The following ZNF75D variants were observed in gnomAD, a reference collection of about 807,000 sequenced individuals.
ZNF75D encodes the protein zinc finger protein 75D, also known as zinc finger protein 75.
Under a neutral mutation model 33.3 loss-of-function variants are expected in ZNF75D, and 33 were observed. That is an observed-to-expected ratio of 0.99 (90% CI 0.75 to 1.32). ZNF75D has a LOEUF of 1.32. Ranked by LOEUF, ZNF75D falls within the 40% of genes most tolerant of loss-of-function variation. The pLI, the probability that ZNF75D is intolerant of heterozygous loss-of-function variation, is 0.00. For missense variants in ZNF75D, 338 were observed against 367.5 expected (o/e 0.92, Z 0.66); for synonymous variants, 113 against 130.6 (o/e 0.87, Z 0.92).
At chrX:135,304,870 G>A (rs868968857) in intron 1 of ZNF75D, among the ~76,000 whole-genome samples, 1 of 112,417 alleles carries the variant, frequency 8.9e-6, no homozygotes, top group African/African-American at 3.2e-5. Flanking sequence ...CTGGCCCTGC[G>A]GAGCTATGTC....
intron 1 of ZNF75D, chrX:135,297,506 A>G: frequency 8.9e-6 from 1 of 112,215 alleles, no homozygotes; most frequent in Middle Eastern, 4.5e-3. Context: ...TTACATTTCA[A>G]TGAATCACTA....
chrX:135,303,900 C>A (rs782379723), intron 1 of ZNF75D, among the ~76,000 whole-genome samples: 6 of 112,712 alleles, frequency 5.3e-5, no homozygotes, highest in Non-Finnish European at 1.1e-4. Flanking sequence ...TAATTCAACT[C>A]TTTTAAAGTT....
At chrX:135,264,408 C>T (rs782456836) in intron 1 of ZNF75D, among the ~76,000 whole-genome samples, 2 of 111,325 alleles carry the variant, frequency 1.8e-5, no homozygotes, top group African/African-American at 6.5e-5. Context: ...AATGCCTTCC[C>T]CAGAAGGACA....
intron 5 of ZNF75D, 29 bp downstream of exon 5, chrX:135,291,443 C>T (rs1556421209): frequency 8.3e-7 from 1 of 1,208,565 alleles, no homozygotes; most frequent in Admixed American, 2.2e-5. Flanking sequence ...AGTCAAGTCA[C>T]CTGAAAAAAG....
chrX:135,257,946 C>T (rs781898754), intron 1 of ZNF75D, among the ~76,000 whole-genome samples: 52 of 107,996 alleles, frequency 4.8e-4, no homozygotes, highest in African/African-American at 1.1e-3. Context: ...TTTCTCCTAA[C>T]GCTATTCCTC....
intron 1 of ZNF75D, among the ~76,000 whole-genome samples, chrX:135,320,100 C>T (rs1294369043): frequency 9.0e-6 from 1 of 111,459 alleles, no homozygotes; most frequent in Non-Finnish European, 1.9e-5. Flanking sequence ...TGAGACCAGC[C>T]TGGCTAACAT....
rs371653549 is a variant in ZNF75D, at chrX:135,291,577, A to G, written c.605-14T>C. The G allele has an allele frequency of 4.6e-4, 555 of 1,202,920 alleles. No individual in the cohort carries two copies. Among genetic ancestry groups the G allele is most frequent in the Non-Finnish European group, 6.0e-4 (534 of 891,425 alleles). On this transcript the variant is annotated splice_polypyrimidine_tract_variant and intron_variant, in intron 4 of 6. Coordinates refer to ENST00000370766, the MANE Select transcript of ZNF75D (RefSeq NM_007131.5). ...GATCATGCACAGCTGTGGGTAGAAA[A>G]TAGCCAGGGAAAATTTCTGTTTCCT... is the stretch of plus-strand genomic sequence containing the variant.
At chrX:135,327,515 C>A (rs1556438505) in intron 1 of ZNF75D, among the ~76,000 whole-genome samples, 1 of 112,156 alleles carries the variant, frequency 8.9e-6, no homozygotes, top group Non-Finnish European at 1.9e-5. Flanking sequence ...ACACTAGCCA[C>A]TACCACCAGG....
chrX:135,338,080 G>A (rs1452590519), intron 1 of ZNF75D, among the ~76,000 whole-genome samples: 1 of 111,396 alleles, frequency 9.0e-6, no homozygotes, highest in Admixed American at 9.5e-5. Flanking sequence ...GCAGGATGGG[G>A]AGGGATCAGA....
chrX:135,294,167 T>A lies in ZNF75D; in HGVS notation c.-27A>T, dbSNP rs782194009. On this transcript the variant is annotated 5_prime_UTR_variant, in exon 3 of 7. Coordinates refer to ENST00000370766, the MANE Select transcript of ZNF75D (RefSeq NM_007131.5). ...TGCTCTAGGAACAGTTTTACTCTTG[T>A]ATGTGACACTGACACCCACCTGGTA... The A allele has an allele frequency of 8.8e-7, 1 of 1,142,004 alleles. No homozygotes were observed. Among genetic ancestry groups the A allele is most frequent in the Non-Finnish European group, 1.2e-6 (1 of 854,392 alleles). 94.1% of individuals were successfully genotyped at this position (1,142,004 alleles called of 1,213,427 possible). A position where few individuals can be genotyped will look rare whatever the true frequency, so the allele number is the denominator to read the frequency against.
chrX:135,311,561 A>C lies in ZNF75D; in HGVS notation c.-390-15522T>G, dbSNP rs782365025. On this transcript the variant is annotated intron_variant, in intron 1 of 6. Coordinates refer to ENST00000370766, the MANE Select transcript of ZNF75D (RefSeq NM_007131.5). The stretch of plus-strand genomic sequence containing the variant: ...TTTTTTGTGTATGGTGAGAACACTT[A>C]AAATCTACTCTTTTATCAGTTTTCA... Among the ~76,000 whole-genome samples the C allele has an allele frequency of 6.2e-5, 7 of 112,503 alleles. No individual in the cohort carries two copies. The South Asian group carries it at 2.2e-3, about 35-fold the overall frequency.
intron 1 of ZNF75D, among the ~76,000 whole-genome samples, chrX:135,303,484 C>T (rs1309189794): frequency 8.9e-6 from 1 of 112,337 alleles, no homozygotes; most frequent in African/African-American, 3.2e-5. Flanking sequence ...TGCCTTCAAG[C>T]ATTTGTTTAA....
intron 1 of ZNF75D, among the ~76,000 whole-genome samples, chrX:135,340,178 G>A (rs1430670551): frequency 2.7e-5 from 3 of 111,751 alleles, no homozygotes; most frequent in Non-Finnish European, 5.6e-5. Flanking sequence ...TTTTCTATGA[G>A]GATTTTCCTA....
intron 6 of ZNF75D, among the ~76,000 whole-genome samples, chrX:135,288,739 A>G (rs782532269): frequency 3.6e-5 from 4 of 112,010 alleles, no homozygotes; most frequent in Non-Finnish European, 5.6e-5. Context: ...GACATTTCTA[A>G]TATTTACTGA....
At chrX:135,294,921 T>A (rs782760457) in intron 2 of ZNF75D, among the ~76,000 whole-genome samples, 1 of 112,051 alleles carries the variant, frequency 8.9e-6, no homozygotes, top group Non-Finnish European at 1.9e-5. Context: ...GAAAGACTTA[T>A]AAAGGGCACT....
intron 1 of ZNF75D, among the ~76,000 whole-genome samples, chrX:135,258,338 A>C (rs1022455090): frequency 1.8e-5 from 2 of 110,330 alleles, no homozygotes; most frequent in Admixed American, 1.9e-4. Context: ...GTCAAATGGT[A>C]ATTCTAGTTC....
rs181417680 is a variant in ZNF75D, at chrX:135,326,459, C to T, written c.-391+15309G>A. On this transcript the variant is annotated intron_variant, in intron 1 of 6. Coordinates refer to ENST00000370766, the MANE Select transcript of ZNF75D (RefSeq NM_007131.5). The stretch of plus-strand genomic sequence containing the variant: ...TTGTGTCTAGCTCAGGGATTGTAAA[C>T]GCACCAATCAGCGCCCTGTCAAAAC... Among the ~76,000 whole-genome samples the T allele has an allele frequency of 5.5e-3, 616 of 111,745 alleles. 3 individuals are homozygous for T. Among genetic ancestry groups the T allele is most frequent in the African/African-American group, 0.019 (576 of 30,699 alleles).
Position 135,286,487 on chromosome X carries a change from G to A in ZNF75D, c.*650C>T, listed in dbSNP as rs1445411039. The A allele has an allele frequency of 1.8e-5, 2 of 112,152 alleles. No individual in the cohort carries two copies. The highest frequency in any genetic ancestry group is 3.8e-5 in the Non-Finnish European group (2 of 53,257). The allele number at this position is 112,152 out of a possible 1,213,427, so 9.2% of individuals were successfully genotyped here. ...TATCAAGTGCTTGCAAGGTCCCTAG[G>A]CCTGTCCTTACATTCAGACCTTCCC... On this transcript the variant is annotated 3_prime_UTR_variant, in exon 7 of 7. Transcript: ENST00000370766.
Position 135,305,591 on chromosome X carries a change from A to G in ZNF75D, c.-390-9552T>C, listed in dbSNP as rs782479154. ...ACTCTCATTTTAAATTTATTTGATT[A>G]TAACAGCTACCCACTCCCTCCCCCA... On this transcript the variant is annotated intron_variant, in intron 1 of 6. Coordinates refer to ENST00000370766, the MANE Select transcript of ZNF75D (RefSeq NM_007131.5). 2.8e-3 allele frequency among the ~76,000 whole-genome samples: 315 copies of G among 111,347 alleles called. 4 individuals carry two copies. The highest frequency in any genetic ancestry group is 3.0e-3 in the Non-Finnish European group (160 of 53,031).
Sources: allele counts gnomAD v4.1 joint callset (sites outside exome capture counted in the v4.1 genomes callset), GRCh38; gene constraint gnomAD v4.1.1; transcripts MANE v1.5; gene names NCBI Gene and HGNC (gene_info 2026-07-23, HGNC 2026-07-21).